Variants in CSMD2 observed in about 807,000 individuals in gnomAD.
CSMD2 encodes the protein CUB and Sushi multiple domains 2.
Under a neutral mutation model 398.5 loss-of-function variants are expected in CSMD2, and 130 were observed. The observed-to-expected ratio is 0.33, with a 90% CI of 0.28 to 0.38. The LOEUF is 0.38. Among genes scored for constraint, CSMD2 ranks in the 10% least tolerant of loss-of-function variants. The probability of loss-of-function intolerance (pLI) is 1.00; values close to 1 mark genes in which losing one functional copy is unlikely to be tolerated. For missense variants in CSMD2, 3,829 were observed against 4,764.9 expected, an observed-to-expected ratio of 0.80 and a Z score of 5.78; for synonymous variants, 1,828 against 1,908.5, an observed-to-expected ratio of 0.96 and a Z score of 1.10.
chr1:33,810,906 G>C, intron 9 of CSMD2, 42 bp from the exon 10 acceptor site: 1 of 1,599,610 alleles, frequency 6.3e-7, no homozygotes, highest in Non-Finnish European at 8.5e-7. Context: ...TTAAGACTAG[G>C]TCCAGTTCCC....
chr1:33,766,378 G>T (rs1436809362), intron 13 of CSMD2, among the ~76,000 whole-genome samples: 1 of 152,206 alleles, frequency 6.6e-6, no homozygotes, highest in East Asian at 1.9e-4. Context: ...CCCATGAGAA[G>T]AGGGGCTGTT....
At chr1:33,753,385 AT>A (rs1648533782) in intron 13 of CSMD2, among the ~76,000 whole-genome samples, 1 of 152,230 alleles carries the variant, frequency 6.6e-6, no homozygotes, top group South Asian at 2.1e-4. Flanking sequence ...AGGGCTCCAG[AT>A]ACAGCTTGGG....
chr1:33,953,461 G>GT (rs1293480333), intron 3 of CSMD2, among the ~76,000 whole-genome samples: 1 of 152,158 alleles, frequency 6.6e-6, no homozygotes, highest in Non-Finnish European at 1.5e-5. Flanking sequence ...TTTCCATGAT[G>GT]CCTACAGCCC....
intron 44 of CSMD2, among the ~76,000 whole-genome samples, chr1:33,597,018 C>G (rs1341235382): frequency 1.3e-5 from 2 of 151,938 alleles, no homozygotes; most frequent in East Asian, 3.9e-4. Flanking sequence ...AAGATGCTTC[C>G]CAAAATTTAT....
chr1:33,577,340 G>A lies in CSMD2; in HGVS notation c.7532C>T (p.Pro2511Leu), dbSNP rs1367866246. The A allele has an allele frequency of 2.5e-6, 4 of 1,613,716 alleles. No individual in the cohort carries two copies. The highest frequency in any genetic ancestry group is 2.2e-5 in the East Asian group (1 of 44,892). ...TTCGCTCCACAGGTGGTAGCCCTGG[G>A]GGTGCCGGGTACAGATGGCCATGCT... is the stretch of plus-strand genomic sequence containing the variant. ...GHSMAICTRH[P>L]QGYHLWSEAI... The change falls in exon 49 of 71, where the codon CCC (proline) becomes CTC (leucine). Residue 2511 changes from proline to leucine, a missense_variant. Physicochemically the swap from Pro to Leu is moderately conservative, Grantham distance 98 (BLOSUM62 -3). Coordinates refer to ENST00000373381, the MANE Select transcript of CSMD2 (RefSeq NM_001281956.2).
chr1:33,639,789 A>G (rs997330591), intron 29 of CSMD2, among the ~76,000 whole-genome samples: 19 of 152,238 alleles, frequency 1.2e-4, no homozygotes, highest in African/African-American at 4.6e-4. Flanking sequence ...GCATTACCAC[A>G]TTAATAATAA....
chr1:34,061,093 G>A (rs1447099127), intron 2 of CSMD2, among the ~76,000 whole-genome samples: 1 of 152,182 alleles, frequency 6.6e-6, no homozygotes, highest in African/African-American at 2.4e-5. Context: ...CCCTGCCTGG[G>A]ACATTGGCCA....
At chr1:33,901,853 C>A (rs1043219089) in intron 5 of CSMD2, among the ~76,000 whole-genome samples, 1 of 152,142 alleles carries the variant, frequency 6.6e-6, no homozygotes, top group Non-Finnish European at 1.5e-5. Context: ...CAAACCTATA[C>A]GTCAAACATA....
intron 1 of CSMD2, among the ~76,000 whole-genome samples, chr1:34,123,416 C>A (rs1346220036): frequency 6.6e-6 from 1 of 152,204 alleles, no homozygotes; most frequent in South Asian, 2.1e-4. Flanking sequence ...CACACCTCTT[C>A]ATCTAACGTT....
At chr1:33,757,389 T>C (rs1253042595) in intron 13 of CSMD2, among the ~76,000 whole-genome samples, 1 of 152,154 alleles carries the variant, frequency 6.6e-6, no homozygotes. Context: ...TTTGTCTTCT[T>C]CCCCAAACTT....
chr1:33,876,826 A>G (rs1314936577), intron 5 of CSMD2, among the ~76,000 whole-genome samples: 1 of 152,144 alleles, frequency 6.6e-6, no homozygotes. Context: ...AAGGCCCCAG[A>G]CTTTTGCTTG....
chr1:33,761,040 G>A (rs1649757983), intron 13 of CSMD2, among the ~76,000 whole-genome samples: 2 of 152,156 alleles, frequency 1.3e-5, no homozygotes, highest in Admixed American at 6.5e-5. Context: ...CTGACTGCTC[G>A]ACTGCCAACT....
intron 66 of CSMD2, 142 bp from the exon 67 acceptor site, chr1:33,523,561 C>A (rs12038835): frequency 3.3e-6 from 2 of 597,416 alleles, no homozygotes; most frequent in East Asian, 5.7e-5. Context: ...CCCTTTAAGT[C>A]GTAAGTGTAG....
intron 62 of CSMD2, among the ~76,000 whole-genome samples, chr1:33,534,163 G>A (rs4268325): frequency 0.17 from 25,441 of 152,078 alleles, 2,634 homozygotes; most frequent in East Asian, 0.3. Flanking sequence ...CTGATTCAGA[G>A]TCAGAAGACC....
chr1:33,554,864 C>G (rs1173468531), intron 55 of CSMD2, among the ~76,000 whole-genome samples: 1 of 152,164 alleles, frequency 6.6e-6, no homozygotes, highest in East Asian at 1.9e-4. Flanking sequence ...ATGAAGAGCT[C>G]CTGTACATCA....
chr1:33,824,356 G>A (rs1658538563), intron 7 of CSMD2, among the ~76,000 whole-genome samples: 1 of 152,172 alleles, frequency 6.6e-6, no homozygotes, highest in Non-Finnish European at 1.5e-5. Flanking sequence ...CCCCAGTCAA[G>A]CACAGAAGAA....
intron 44 of CSMD2, among the ~76,000 whole-genome samples, chr1:33,595,052 C>T (rs1218547880): frequency 2.6e-5 from 4 of 152,230 alleles, no homozygotes; most frequent in African/African-American, 9.7e-5. Context: ...GGGAAATTAA[C>T]ACTGACACAT....
intron 6 of CSMD2, among the ~76,000 whole-genome samples, chr1:33,829,125 C>T (rs10914788): frequency 2.0e-5 from 3 of 152,040 alleles, no homozygotes; most frequent in East Asian, 3.9e-4. Flanking sequence ...TTGTCCTCAT[C>T]ATGTTAGCGC....
At chr1:33,625,794 G>A (rs1174238169) in intron 33 of CSMD2, among the ~76,000 whole-genome samples, 1 of 152,176 alleles carries the variant, frequency 6.6e-6, no homozygotes, top group Non-Finnish European at 1.5e-5. Context: ...AGAGTCGAAT[G>A]AACAGGACCA....
Sources: gnomAD v4.1 joint callset for allele counts (sites outside exome capture counted in the v4.1 genomes callset) on GRCh38, gnomAD v4.1.1 for gene constraint, MANE v1.5 for transcripts, NCBI Gene and HGNC (gene_info 2026-07-23, HGNC 2026-07-21) for gene names.